The following STOX2 variants were observed in gnomAD, a reference collection of about 807,000 sequenced individuals.
STOX2 encodes the protein storkhead box 2, also known as storkhead-box protein 2.
Under a neutral mutation model 60.9 loss-of-function variants are expected in STOX2, and 28 were observed. That is an observed-to-expected ratio of 0.46 (90% CI 0.34 to 0.63). The LOEUF (loss-of-function observed/expected upper bound fraction) is 0.63. Ranked by LOEUF, STOX2 falls within the 30% of genes least tolerant of loss-of-function variation. The probability of loss-of-function intolerance (pLI) is 0.01; values close to 1 mark genes in which losing one functional copy is unlikely to be tolerated. For missense variants in STOX2, 1,024 were observed against 1,187.7 expected, an observed-to-expected ratio of 0.86 and a Z score of 2.03; for synonymous variants, 472 against 463.9, an observed-to-expected ratio of 1.02 and a Z score of -0.22.
chr4:183,851,706 A>G (rs1376700725), intron 1 of STOX2, among the ~76,000 whole-genome samples: 1 of 128,254 alleles, frequency 7.8e-6, no homozygotes, highest in Admixed American at 7.3e-5. Flanking sequence ...AGAAACGATG[A>G]GGGAAAGGAT....
intron 1 of STOX2, among the ~76,000 whole-genome samples, chr4:183,940,233 C>T (rs1742716646): frequency 1.3e-5 from 2 of 152,068 alleles, no homozygotes. Flanking sequence ...AATCAAGACG[C>T]CCGGGTTCCC....
intron 1 of STOX2, among the ~76,000 whole-genome samples, chr4:183,822,330 T>G (rs1037766804): frequency 1.3e-5 from 2 of 152,236 alleles, no homozygotes; most frequent in African/African-American, 4.8e-5. Flanking sequence ...AGGACAGTTT[T>G]TCCACAGACT....
intron 1 of STOX2, among the ~76,000 whole-genome samples, chr4:183,974,442 AT>A (rs956694984): frequency 3.3e-5 from 5 of 151,994 alleles, no homozygotes; most frequent in Admixed American, 6.6e-5. Context: ...GTCATAATGG[AT>A]TTTTTTTAAA....
At position 183,905,428 on chromosome 4, in the gene STOX2, A is replaced by G. The variant is rs1431592239; in HGVS notation, c.-1363A>G. 6.6e-6 allele frequency: 1 copy of G among 152,302 alleles called. No homozygotes were observed. Among genetic ancestry groups the G allele is most frequent in the African/African-American group, 2.4e-5 (1 of 41,458 alleles). 9.4% of individuals were successfully genotyped at this position (152,302 alleles called of 1,614,324 possible). A position where few individuals can be genotyped will look rare whatever the true frequency, so the allele number is the denominator to read the frequency against. The stretch of plus-strand genomic sequence containing the variant: ...AGAGGAAGCGCTGCAGGCCACTTGC[A>G]TTGCGTCTTCCAGGCTGCGTGGACC... On this transcript the variant is annotated 5_prime_UTR_variant, in exon 1 of 4. Transcript: ENST00000308497.
chr4:183,992,919 G>T lies in STOX2; in HGVS notation c.167-8406G>T, dbSNP rs1358296075. ...CTGGACCTAGCTGATGGGTTATAGT[G>T]TGGAGCCTTAGCAAAGGCGTTAATT... On this transcript the variant is annotated intron_variant, in intron 1 of 3. Transcript: ENST00000308497. Among the ~76,000 whole-genome samples, 6 of 152,260 alleles carry T rather than the reference G, an allele frequency of 3.9e-5. No individual in the cohort carries two copies. The East Asian group carries it at 1.2e-3, about 29-fold the overall frequency.
At chr4:183,881,585 A>T (rs1740960713) in intron 1 of STOX2, among the ~76,000 whole-genome samples, 1 of 152,244 alleles carries the variant, frequency 6.6e-6, no homozygotes. Context: ...AAATAACTAA[A>T]TGGAATTTCT....
chr4:183,817,544 C>G (rs1251374408), intron 1 of STOX2, among the ~76,000 whole-genome samples: 6 of 152,182 alleles, frequency 3.9e-5, no homozygotes, highest in African/African-American at 1.4e-4. Flanking sequence ...TCCAAATACA[C>G]AGAAATAGAA....
At chr4:183,979,636 C>G (rs1732577215) in intron 1 of STOX2, among the ~76,000 whole-genome samples, 1 of 151,826 alleles carries the variant, frequency 6.6e-6, no homozygotes, top group African/African-American at 2.4e-5. Flanking sequence ...AGTATTAGTT[C>G]CTAATTTTCA....
chr4:183,804,809 ACTT>A (rs1279497738), intron 1 of STOX2, among the ~76,000 whole-genome samples: 1 of 102,406 alleles, frequency 9.8e-6, no homozygotes, highest in East Asian at 2.4e-4. Flanking sequence ...TTTAGAATGA[ACTT>A]CTGAGATTCC....
At chr4:183,903,261 A>G (rs972079281), upstream of STOX2, among the ~76,000 whole-genome samples, 1 of 152,054 alleles carries the variant, frequency 6.6e-6, no homozygotes, top group Non-Finnish European at 1.5e-5. Context: ...ACTGTGCTCC[A>G]ATTTCAGCCA....
chr4:183,898,368 T>C (rs1741387645), intron 1 of STOX2, among the ~76,000 whole-genome samples: 1 of 152,106 alleles, frequency 6.6e-6, no homozygotes, highest in Admixed American at 6.5e-5. Flanking sequence ...TGACTGGAAA[T>C]GTACGCTAAG....
intron 2 of STOX2, among the ~76,000 whole-genome samples, chr4:184,007,122 A>G (rs1733904623): frequency 6.6e-6 from 1 of 152,158 alleles, no homozygotes; most frequent in Non-Finnish European, 1.5e-5. Context: ...GTATTAGACT[A>G]AAAGGAAACC....
intron 2 of STOX2, among the ~76,000 whole-genome samples, chr4:184,002,725 T>A (rs1394787569): frequency 6.6e-6 from 1 of 152,160 alleles, no homozygotes; most frequent in Non-Finnish European, 1.5e-5. Flanking sequence ...AAACTCAAAG[T>A]CAAGGTGTGG....
At chr4:183,820,425 GC>G (rs1323287914) in intron 1 of STOX2, among the ~76,000 whole-genome samples, 1 of 152,146 alleles carries the variant, frequency 6.6e-6, no homozygotes, top group African/African-American at 2.4e-5. Flanking sequence ...AAACCTGGGT[GC>G]CCTGCCAGGA....
rs1317779453 is a variant in STOX2 at position 183,977,618 on chromosome 4, C to G, written c.167-23707C>G. Reference sequence around the variant, plus strand: ...ATGAACACTTAGGTTGGTTCCATATCTTTCCTCTTGTGAGTAGTGGTGCAA... The same window carrying G: ...ATGAACACTTAGGTTGGTTCCATATGTTTCCTCTTGTGAGTAGTGGTGCAA... On this transcript the variant is annotated intron_variant, in intron 1 of 3. Coordinates refer to ENST00000308497, the MANE Select transcript of STOX2 (RefSeq NM_020225.3). 6.0e-5 allele frequency among the ~76,000 whole-genome samples: 9 copies of G among 151,106 alleles called. No homozygotes were observed. In the East Asian group the frequency reaches 1.8e-3, roughly 30 times the overall value.
intron 1 of STOX2, among the ~76,000 whole-genome samples, chr4:183,996,311 A>G (rs1434915616): frequency 6.6e-6 from 1 of 152,266 alleles, no homozygotes; most frequent in Admixed American, 6.5e-5. Flanking sequence ...TTTAGCTGAC[A>G]AAGTGCCAAT....
chr4:183,944,790 G>A (rs1742842275), intron 1 of STOX2, among the ~76,000 whole-genome samples: 1 of 152,194 alleles, frequency 6.6e-6, no homozygotes, highest in Non-Finnish European at 1.5e-5. Context: ...ACCTCAATAT[G>A]ACAACTAGTA....
Position 184,001,293 on chromosome 4 carries a change from G to T in STOX2, c.167-32G>T. 2 of 1,610,350 alleles carry T rather than the reference G, an allele frequency of 1.2e-6. No individual in the cohort carries two copies. The highest frequency in any genetic ancestry group is 1.7e-6 in the Non-Finnish European group (2 of 1,177,214). ...CTGACAGATGACCGGGTCTTTTAAT[G>T]AACCACTCACTTGAAAATTGTCTTT... On this transcript the variant is annotated intron_variant, in intron 1 of 3. Transcript: ENST00000308497. This position sits in a 1 kb window ranked among gnomAD's most constrained non-coding sequence, Gnocchi z 4.2.
rs1195155566 is a variant in STOX2 at position 183,905,790 on chromosome 4, C to T, written c.-1001C>T. 6.6e-6 allele frequency: 1 copy of T among 152,226 alleles called. No individual in the cohort carries two copies. Among genetic ancestry groups the T allele is most frequent in the African/African-American group, 2.4e-5 (1 of 41,458 alleles). The allele number at this position is 152,226 out of a possible 1,614,324, so 9.4% of individuals were successfully genotyped here. ...CTGGGCGGCTGTCCTGCTTCCTGCCCTTCAATAGCCGTTCCGCGCGCTCGC... is the reference window on the plus strand; with the variant it reads ...CTGGGCGGCTGTCCTGCTTCCTGCCTTTCAATAGCCGTTCCGCGCGCTCGC... On this transcript the variant is annotated 5_prime_UTR_variant, in exon 1 of 4. Coordinates refer to ENST00000308497, the MANE Select transcript of STOX2 (RefSeq NM_020225.3).
Sources: gnomAD v4.1 joint callset for allele counts (sites outside exome capture counted in the v4.1 genomes callset) on GRCh38, gnomAD v4.1.1 for gene constraint, Gnocchi (gnomAD v3.1) non-coding constraint, MANE v1.5 for transcripts, NCBI Gene and HGNC (gene_info 2026-07-23, HGNC 2026-07-21) for gene names.